SPG11: variants seen among roughly 807,000 people sequenced by gnomAD.
SPG11 encodes the protein SPG11 vesicle trafficking associated, spatacsin, also known as spatacsin.
A neutral mutation model predicts 274.0 loss-of-function variants in SPG11; 222 were observed. The ratio of observed to expected loss-of-function variants is 0.81; its 90% CI spans 0.73 to 0.91. The LOEUF (loss-of-function observed/expected upper bound fraction) is 0.91. SPG11 is among the 40% of genes least tolerant of loss of function. SPG11 has a pLI of 0.00. For missense variants in SPG11, 3,114 were observed against 2,872.7 expected (o/e 1.08, Z -1.92); for synonymous variants, 1,144 against 1,039.7 (o/e 1.10, Z -1.93).
At chr15:44,608,399 GC>G in intron 19 of SPG11, 44 bp downstream of exon 19, 1 of 1,593,526 alleles carries the variant, frequency 6.3e-7, no homozygotes, top group Non-Finnish European at 8.6e-7. Context: ...TGTTTTCCTG[GC>G]TGAACTCTGA....
chr15:44,623,976 T>A (rs2083825914), intron 11 of SPG11, among the ~76,000 whole-genome samples: 2 of 151,938 alleles, frequency 1.3e-5, no homozygotes. Flanking sequence ...GCCAGACTGG[T>A]CTCAAACTCC....
intron 7 of SPG11, among the ~76,000 whole-genome samples, chr15:44,638,755 G>A (rs2084355999): frequency 6.6e-6 from 1 of 152,124 alleles, no homozygotes; most frequent in Non-Finnish European, 1.5e-5. Context: ...CGGCACTTTG[G>A]GAAACCGAGG....
Position 44,569,470 on chromosome 15 carries a change from C to T in SPG11, c.6513G>A (p.Glu2171=), listed in dbSNP as rs1282335085. 6.2e-7 allele frequency: 1 copy of T among 1,601,750 alleles called. No homozygotes were observed. Among genetic ancestry groups the T allele is most frequent in the Non-Finnish European group, 8.5e-7 (1 of 1,173,472 alleles). The change falls in exon 35 of 40, where the codon GAG becomes GAA. Residue 2171 remains glutamate, a synonymous_variant. Transcript: ENST00000261866. The part of the protein sequence containing the change: ...RLLTGIGRYN[E]MTYIFDLLHK... ...GCAGCAAATCAAATATGTATGTCAT[C>T]TCGTTGTACCTTCCAATGCCAGTGA... is the stretch of plus-strand genomic sequence containing the variant.
intron 30 of SPG11, among the ~76,000 whole-genome samples, chr15:44,579,318 C>T (rs759689967): frequency 3.4e-5 from 5 of 147,402 alleles, no homozygotes; most frequent in Non-Finnish European, 7.5e-5. Flanking sequence ...TGCAGTCAGG[C>T]GTTTGAGAGC....
chr15:44,618,108 C>G (rs571669482), intron 15 of SPG11, among the ~76,000 whole-genome samples: 1 of 152,270 alleles, frequency 6.6e-6, no homozygotes, highest in African/African-American at 2.4e-5. Context: ...CTTGGTAAGA[C>G]TTGATAGCAG....
At chr15:44,608,215 T>C (rs2083370794) in intron 19 of SPG11, among the ~76,000 whole-genome samples, 1 of 152,234 alleles carries the variant, frequency 6.6e-6, no homozygotes, top group Non-Finnish European at 1.5e-5. Flanking sequence ...TTCTGGGTTC[T>C]GGTAACACCA....
At chr15:44,602,350 T>C (rs774682223) in intron 20 of SPG11, among the ~76,000 whole-genome samples, 1 of 152,232 alleles carries the variant, frequency 6.6e-6, no homozygotes, top group Non-Finnish European at 1.5e-5. Context: ...TGTGAGACTG[T>C]CATACATGGC....
chr15:44,647,535 T>C (rs1294331228), intron 7 of SPG11, among the ~76,000 whole-genome samples: 1 of 152,150 alleles, frequency 6.6e-6, no homozygotes, highest in Non-Finnish European at 1.5e-5. Flanking sequence ...AGCTGATGAA[T>C]GGATAAACAA....
intron 25 of SPG11, 157 bp downstream of exon 25, chr15:44,595,926 A>G: frequency 1.0e-6 from 1 of 978,604 alleles, no homozygotes; most frequent in Non-Finnish European, 1.6e-6. Context: ...CCCAGAGCCT[A>G]AGCTAGAGAA....
chr15:44,633,671 A>C, intron 7 of SPG11, 34 bp from the exon 8 acceptor site: 8 of 1,604,926 alleles, frequency 5.0e-6, no homozygotes, highest in Non-Finnish European at 6.8e-6. Context: ...ATCAGAAAAA[A>C]ATTACAATAG....
In SPG11 at chr15:44,613,415, A is replaced by G. The variant is rs1469031858; in HGVS notation, c.3145+15T>C. On this transcript the variant is annotated intron_variant, in intron 17 of 39. Transcript: ENST00000261866. ...TCCAAAGCAAGTTTCTGTGTTTAATACAGTATACCCATACCTGTTAAGTTA... is the reference window on the plus strand; with the variant it reads ...TCCAAAGCAAGTTTCTGTGTTTAATGCAGTATACCCATACCTGTTAAGTTA... 6.4e-7 allele frequency: 1 copy of G among 1,550,532 alleles called. No homozygotes were observed. The highest frequency in any genetic ancestry group is 1.7e-5 in the Admixed American group (1 of 59,942).
chr15:44,574,865 CCT>C (rs765251835), intron 31 of SPG11, 35 bp downstream of exon 31: 3 of 1,612,602 alleles, frequency 1.9e-6, no homozygotes, highest in Non-Finnish European at 2.5e-6. Flanking sequence ...CATTTCCCTC[CCT>C]CTCAGAAAGA....
chr15:44,584,450 A>C lies in SPG11; in HGVS notation c.5230T>G (p.Ser1744Ala), dbSNP rs753544680. The C allele has an allele frequency of 6.2e-7, 1 of 1,614,118 alleles. No individual in the cohort carries two copies. The highest frequency in any genetic ancestry group is 1.1e-5 in the South Asian group (1 of 91,094). Residue 1744 changes from serine (S) to alanine (A), a missense_variant, in exon 30 of 40, where the codon TCA becomes GCA. Physicochemically the swap from Ser to Ala is moderately conservative, Grantham distance 99. Transcript: ENST00000261866. ...AAAAAGGAAGAAGCTGCTTTGCTTG[A>C]AATTGAATTTTTCTTAAAATTCTCA... is the stretch of plus-strand genomic sequence containing the variant. Reference protein sequence around the residue: ...CHENFKKNSISSKAASSFFST... With the variant: ...CHENFKKNSIASKAASSFFST...
chr15:44,615,589 T>C, intron 15 of SPG11, 23 bp from the exon 16 acceptor site: 2 of 1,607,862 alleles, frequency 1.2e-6, no homozygotes, highest in Non-Finnish European at 1.7e-6. Flanking sequence ...TTATAGGATG[T>C]CAAGTTAAAA....
At chr15:44,659,672 C>T (rs2085047316) in intron 2 of SPG11, among the ~76,000 whole-genome samples, 1 of 152,118 alleles carries the variant, frequency 6.6e-6, no homozygotes, top group Non-Finnish European at 1.5e-5. Flanking sequence ...AAAATAGAGG[C>T]CTGAGTGCTT....
At chr15:44,603,053 A>AT (rs988355401) in intron 20 of SPG11, among the ~76,000 whole-genome samples, 11,569 of 131,246 alleles carry the variant, frequency 0.088, 1,424 homozygotes, top group African/African-American at 0.24. Context: ...CCAACAGGCA[A>AT]TTTTTTTTTT....
At position 44,660,586 on chromosome 15, in the gene SPG11, G is replaced by A. The variant is rs1164879592; in HGVS notation, c.288C>T (p.Ser96=). The part of the protein sequence containing the change: ...HFLWEDSRNS[S]TPTEKPKLLA... ...GCAGTTTGGGCTTTTCAGTTGGTGT[G>A]CTGCTGTTACGAGAATCCTCCCATA... The change falls in exon 2 of 40, where the codon AGC becomes AGT. Residue 96 remains serine, a synonymous_variant. Transcript: ENST00000261866. 2 of 1,614,084 alleles carry A rather than the reference G, an allele frequency of 1.2e-6. No individual in the cohort carries two copies. Among genetic ancestry groups the A allele is most frequent in the Non-Finnish European group, 1.7e-6 (2 of 1,180,008 alleles).
chr15:44,589,240 G>C lies in SPG11; in HGVS notation c.4906+12C>G. 1 of 1,613,162 alleles carries C rather than the reference G, an allele frequency of 6.2e-7. No homozygotes were observed. Among genetic ancestry groups the C allele is most frequent in the Non-Finnish European group, 8.5e-7 (1 of 1,179,856 alleles). On this transcript the variant is annotated intron_variant, in intron 28 of 39. Transcript: ENST00000261866. ...CTTCTTAATAGCAACTTAACTGTAA[G>C]GATTGTCTTACCATCAGAGAAGAGA...
At chr15:44,658,594 G>A (rs1049313961) in intron 3 of SPG11, among the ~76,000 whole-genome samples, 2 of 152,004 alleles carry the variant, frequency 1.3e-5, no homozygotes, top group African/African-American at 4.8e-5. Context: ...GAGTAGCTGG[G>A]ATTACAGGCA....
Sources: gnomAD v4.1 joint callset for allele counts (sites outside exome capture counted in the v4.1 genomes callset) on GRCh38, gnomAD v4.1.1 for gene constraint, MANE v1.5 for transcripts, NCBI Gene and HGNC (gene_info 2026-07-23, HGNC 2026-07-21) for gene names.